Variants in NTM observed in about 807,000 individuals in gnomAD.
NTM encodes neurotrimin.
NTM carries 13 observed loss-of-function variants against 42.1 expected under a neutral mutation model. That is an observed-to-expected ratio of 0.31 (90% confidence interval 0.20 to 0.49). The LOEUF (loss-of-function observed/expected upper bound fraction) is 0.49, where lower values mean the gene tolerates loss of function less well. Among genes scored for constraint, NTM ranks in the 20% least tolerant of loss-of-function variants. The pLI is 0.99. For missense variants in NTM, 373 were observed against 452.8 expected (o/e 0.82, Z 1.60); for synonymous variants, 187 against 179.2 (o/e 1.04, Z -0.35).
At chr11:131,869,201 G>A (rs1592394517) in intron 1 of NTM, among the ~76,000 whole-genome samples, 1 of 152,060 alleles carries the variant, frequency 6.6e-6, no homozygotes, top group Non-Finnish European at 1.5e-5. Context: ...CTAGCGTCAG[G>A]CAAGTTTATC....
At chr11:132,262,839 C>G (rs1318594173) in intron 4 of NTM, among the ~76,000 whole-genome samples, 1 of 152,182 alleles carries the variant, frequency 6.6e-6, no homozygotes, top group African/African-American at 2.4e-5. Flanking sequence ...AGAATGAACT[C>G]TAAAGTCCAA....
intron 1 of NTM, among the ~76,000 whole-genome samples, chr11:131,785,897 C>T (rs1361094498): frequency 3.3e-5 from 5 of 152,178 alleles, no homozygotes; most frequent in South Asian, 4.1e-4. Flanking sequence ...GGGGCTCAGA[C>T]GGTTTACGAT....
At chr11:131,707,989 T>C (rs990077272) in intron 1 of NTM, among the ~76,000 whole-genome samples, 1 of 152,136 alleles carries the variant, frequency 6.6e-6, no homozygotes. Flanking sequence ...CTCTTTGTAT[T>C]GAAGGGATCT....
At chr11:131,679,238 T>C (rs187891049) in intron 1 of NTM, among the ~76,000 whole-genome samples, 231 of 152,218 alleles carry the variant, frequency 1.5e-3, no homozygotes, top group Non-Finnish European at 2.8e-3. Context: ...TCCTCCCCTG[T>C]GCTTGAGTCC....
intron 1 of NTM, among the ~76,000 whole-genome samples, chr11:131,398,912 T>C (rs1944836347): frequency 6.6e-6 from 1 of 152,184 alleles, no homozygotes; most frequent in South Asian, 2.1e-4. Context: ...GAACATTACA[T>C]GAAAGTAATT....
At chr11:132,198,374 T>C (rs1026900744) in intron 3 of NTM, among the ~76,000 whole-genome samples, 1 of 151,996 alleles carries the variant, frequency 6.6e-6, no homozygotes, top group Admixed American at 6.6e-5. Context: ...GTTTTAAAAA[T>C]TTTTTTGGAA....
chr11:132,058,402 G>A (rs558208040), intron 2 of NTM, among the ~76,000 whole-genome samples: 12 of 152,272 alleles, frequency 7.9e-5, no homozygotes, highest in South Asian at 4.1e-4. Flanking sequence ...CCTGCGAAGC[G>A]GATTAAGTCT....
At chr11:132,018,058 G>T (rs750858290) in intron 2 of NTM, among the ~76,000 whole-genome samples, 28 of 151,916 alleles carry the variant, frequency 1.8e-4, no homozygotes, top group Non-Finnish European at 3.1e-4. Flanking sequence ...TGTATCACCT[G>T]AGAATAAGGA....
intron 2 of NTM, among the ~76,000 whole-genome samples, chr11:132,037,167 C>A (rs1160076444): frequency 6.6e-6 from 1 of 152,102 alleles, no homozygotes; most frequent in African/African-American, 2.4e-5. Context: ...TAGATTAATG[C>A]TTCCTCTTGG....
intron 4 of NTM, among the ~76,000 whole-genome samples, chr11:132,212,396 G>A (rs535084073): frequency 6.6e-6 from 1 of 152,326 alleles, no homozygotes; most frequent in Admixed American, 6.5e-5. Flanking sequence ...TTGTCTCTGG[G>A]TGAAATGGTG....
chr11:132,307,742 G>C lies in NTM; in HGVS notation c.580G>C (p.Glu194Gln), dbSNP rs751673931. 6.2e-7 allele frequency: 1 copy of C among 1,614,090 alleles called. No individual in the cohort carries two copies. The highest frequency in any genetic ancestry group is 1.3e-5 in the African/African-American group (1 of 74,938). Reference sequence around the variant, plus strand: ...CTTGGAAATTCAGGGCATCACCAGGGAGCAGTCAGGGGACTACGAGTGCAG... The same window carrying C: ...CTTGGAAATTCAGGGCATCACCAGGCAGCAGTCAGGGGACTACGAGTGCAG... Reference protein sequence around the residue: ...EYLEIQGITREQSGDYECSAS... With the variant: ...EYLEIQGITRQQSGDYECSAS... The change falls in exon 5 of 9, where the codon GAG becomes CAG. Residue 194 changes from glutamate to glutamine, a missense_variant. By Grantham distance (29) the Glu-to-Gln change is conservative. Transcript: ENST00000683400.
chr11:131,720,369 C>T (rs766616636), intron 1 of NTM, among the ~76,000 whole-genome samples: 3 of 152,126 alleles, frequency 2.0e-5, no homozygotes, highest in Non-Finnish European at 2.9e-5. Flanking sequence ...TACCTTTGGA[C>T]AGGGCTATAA....
rs141788337 is a variant in NTM, at chr11:132,086,599, C to A, written c.168-59683C>A. ...CCAAACGTGACCTCACAGGTGAAACCAACAAGCCTCAATTAAGACGCTAAA... is the reference window on the plus strand; with the variant it reads ...CCAAACGTGACCTCACAGGTGAAACAAACAAGCCTCAATTAAGACGCTAAA... On this transcript the variant is annotated intron_variant, in intron 2 of 8. Transcript: ENST00000683400. Among the ~76,000 whole-genome samples, 4 of 152,292 alleles carry A rather than the reference C, an allele frequency of 2.6e-5. No homozygotes were observed. In the East Asian group the frequency reaches 5.8e-4, roughly 22 times the overall value.
chr11:131,532,456 A>G (rs2051430119), intron 1 of NTM, among the ~76,000 whole-genome samples: 1 of 152,140 alleles, frequency 6.6e-6, no homozygotes, highest in South Asian at 2.1e-4. Flanking sequence ...CATTGTGATC[A>G]CCCACTCCTC....
intron 2 of NTM, among the ~76,000 whole-genome samples, chr11:131,948,237 T>A (rs967005721): frequency 6.6e-6 from 1 of 151,322 alleles, no homozygotes; most frequent in Non-Finnish European, 1.5e-5. Flanking sequence ...TGGTGGTGGG[T>A]GCCTGTAGTC....
At chr11:132,256,262 T>C (rs2092460574) in intron 4 of NTM, among the ~76,000 whole-genome samples, 1 of 152,196 alleles carries the variant, frequency 6.6e-6, no homozygotes, top group Non-Finnish European at 1.5e-5. Flanking sequence ...CAGCCCTTCA[T>C]TGAGGAAGAC....
At chr11:131,801,052 T>C (rs1165475399) in intron 1 of NTM, among the ~76,000 whole-genome samples, 1 of 152,126 alleles carries the variant, frequency 6.6e-6, no homozygotes, top group African/African-American at 2.4e-5. Flanking sequence ...TTAGAATTAA[T>C]ATGTCAGAGG....
chr11:131,965,071 T>G (rs2062660776), intron 2 of NTM, among the ~76,000 whole-genome samples: 1 of 149,118 alleles, frequency 6.7e-6, no homozygotes, highest in African/African-American at 2.5e-5. Context: ...TGGGGTAGAG[T>G]GGGGAAAGGG....
At chr11:132,128,647 G>A (rs964220813) in intron 2 of NTM, among the ~76,000 whole-genome samples, 3 of 151,970 alleles carry the variant, frequency 2.0e-5, no homozygotes, top group African/African-American at 7.3e-5. Flanking sequence ...GGGCATGGTG[G>A]CTCACACCTG....
Sources: gnomAD v4.1 joint callset for allele counts (sites outside exome capture counted in the v4.1 genomes callset) on GRCh38, gnomAD v4.1.1 for gene constraint, MANE v1.5 for transcripts, NCBI Gene and HGNC (gene_info 2026-07-23, HGNC 2026-07-21) for gene names.